Variants in SLC35D2 observed in about 807,000 individuals in gnomAD.
The protein encoded by SLC35D2 is solute carrier family 35 member D2.
In SLC35D2, 43 loss-of-function variants were observed where a neutral mutation model predicts 41.8. The ratio of observed to expected loss-of-function variants is 1.03; its 90% CI spans 0.81 to 1.33. The LOEUF (loss-of-function observed/expected upper bound fraction) is 1.33. SLC35D2 is among the 40% of genes most tolerant of loss of function. The pLI is 0.00. For synonymous variants in SLC35D2, 150 were observed against 163.9 expected (o/e 0.92, Z 0.65); for missense variants, 380 against 408.4 (o/e 0.93, Z 0.60).
chr9:96,343,058 C>T (rs1470270587), intron 8 of SLC35D2, among the ~76,000 whole-genome samples: 3 of 152,198 alleles, frequency 2.0e-5, no homozygotes, highest in Admixed American at 6.5e-5. Context: ...TTTTGCCCAT[C>T]GCATCTCGTT....
chr9:96,379,073 G>A (rs1379923221), intron 1 of SLC35D2, among the ~76,000 whole-genome samples: 2 of 151,862 alleles, frequency 1.3e-5, no homozygotes, highest in Non-Finnish European at 2.9e-5. Context: ...CAAGGCGGAT[G>A]GATTGCTTGA....
intron 9 of SLC35D2, among the ~76,000 whole-genome samples, chr9:96,330,868 C>T (rs1239975007): frequency 1.3e-5 from 2 of 152,182 alleles, no homozygotes; most frequent in Non-Finnish European, 2.9e-5. Context: ...CCAAAATCTT[C>T]ACCCTAAAAC....
intron 5 of SLC35D2, among the ~76,000 whole-genome samples, chr9:96,351,440 G>A (rs938642146): frequency 2.6e-5 from 4 of 151,754 alleles, no homozygotes; most frequent in African/African-American, 7.3e-5. Context: ...AAGCGCTCCT[G>A]CTGGTGGATC....
chr9:96,358,085 T>TATATATATATATATATATATATATAA (rs1830112556), intron 4 of SLC35D2, among the ~76,000 whole-genome samples: 1 of 73,782 alleles, frequency 1.4e-5, no homozygotes, highest in African/African-American at 5.7e-5. Context: ...ATATTTTATA[T>TATATATATATATATATATATATATAA]ATATATATAT....
chr9:96,325,729 GAC>G (rs1828496398), intron 9 of SLC35D2, among the ~76,000 whole-genome samples: 1 of 152,160 alleles, frequency 6.6e-6, no homozygotes, highest in Non-Finnish European at 1.5e-5. Context: ...ATTCACCATT[GAC>G]AGAGAGAAGT....
At chr9:96,351,260 A>T in intron 5 of SLC35D2, 89 bp from the exon 6 acceptor site, 1 of 940,566 alleles carries the variant, frequency 1.1e-6, no homozygotes, top group South Asian at 1.4e-5. Flanking sequence ...TTGAAAATAG[A>T]CATCAGCATT....
At chr9:96,371,408 T>C (rs1256926750) in intron 1 of SLC35D2, among the ~76,000 whole-genome samples, 2 of 135,068 alleles carry the variant, frequency 1.5e-5, no homozygotes, top group South Asian at 2.3e-4. Context: ...GAGGCAGAGG[T>C]TGCAGTGAGC....
intron 9 of SLC35D2, among the ~76,000 whole-genome samples, chr9:96,328,655 A>G (rs1265841675): frequency 1.3e-5 from 2 of 152,084 alleles, no homozygotes; most frequent in Non-Finnish European, 2.9e-5. Context: ...GGCAGTCACA[A>G]ACAGAACTCA....
chr9:96,332,723 G>A (rs1055370442), intron 9 of SLC35D2, among the ~76,000 whole-genome samples: 14 of 151,916 alleles, frequency 9.2e-5, no homozygotes, highest in African/African-American at 3.1e-4. Context: ...AGGTTGCAGT[G>A]AGCCGAGATC....
At chr9:96,379,402 C>T (rs1473735192) in intron 1 of SLC35D2, among the ~76,000 whole-genome samples, 1 of 151,890 alleles carries the variant, frequency 6.6e-6, no homozygotes, top group Non-Finnish European at 1.5e-5. Context: ...CAGTTCACAG[C>T]CTTCAAAGGC....
chr9:96,320,515 CA>C (rs11332811), downstream of SLC35D2, among the ~76,000 whole-genome samples: 23,694 of 124,074 alleles, frequency 0.19, 2,464 homozygotes, highest in African/African-American at 0.31. Context: ...GACTCTGTCT[CA>C]AAAAAAAAAA....
At chr9:96,350,129 T>C (rs1174105194) in intron 6 of SLC35D2, among the ~76,000 whole-genome samples, 1 of 151,946 alleles carries the variant, frequency 6.6e-6, no homozygotes, top group East Asian at 1.9e-4. Flanking sequence ...TAATAAACCT[T>C]AGTCTACACA....
chr9:96,313,727 C>T (rs927357893), exon 12 of SLC35D2, among the ~76,000 whole-genome samples: 6 of 152,260 alleles, frequency 3.9e-5, no homozygotes, highest in African/African-American at 1.4e-4. Context: ...AAATTCTTTA[C>T]TGCACAGGCT....
intron 1 of SLC35D2, among the ~76,000 whole-genome samples, chr9:96,375,120 T>C (rs888619619): frequency 1.6e-4 from 24 of 150,866 alleles, no homozygotes; most frequent in African/African-American, 5.6e-4. Flanking sequence ...GCCTCCCAAG[T>C]AGCTGGGATT....
At chr9:96,382,129 T>C (rs984700891) in intron 1 of SLC35D2, among the ~76,000 whole-genome samples, 1 of 152,118 alleles carries the variant, frequency 6.6e-6, no homozygotes, top group Non-Finnish European at 1.5e-5. Flanking sequence ...TAAATATCTG[T>C]TGGAGGTACA....
At chr9:96,345,444 C>T in intron 6 of SLC35D2, 43 bp from the exon 7 acceptor site, 1 of 1,188,932 alleles carries the variant, frequency 8.4e-7, no homozygotes, top group Non-Finnish European at 1.2e-6. Flanking sequence ...CTCAAAAACT[C>T]ACAACTTGGC....
chr9:96,354,722 G>T (rs369464690), intron 4 of SLC35D2, among the ~76,000 whole-genome samples: 2 of 117,200 alleles, frequency 1.7e-5, no homozygotes, highest in Non-Finnish European at 3.2e-5. Flanking sequence ...AGCCAAGATC[G>T]CACCACTACA....
intron 1 of SLC35D2, among the ~76,000 whole-genome samples, chr9:96,382,496 C>CACACACTCTATATATATATATATA (rs200897475): frequency 1.3e-4 from 17 of 127,938 alleles, no homozygotes; most frequent in African/African-American, 4.4e-4. Context: ...CACACACACA[C>CACACACTCTATATATATATATATA]TATATATATA....
chr9:96,336,490 C>T (rs1038812793), intron 9 of SLC35D2, among the ~76,000 whole-genome samples: 2 of 152,216 alleles, frequency 1.3e-5, no homozygotes. Flanking sequence ...AAGAACAGGA[C>T]ATTAGCATGA....
Sources: gnomAD v4.1 joint callset for allele counts (sites outside exome capture counted in the v4.1 genomes callset) on GRCh38, gnomAD v4.1.1 for gene constraint, MANE v1.5 for transcripts, NCBI Gene and HGNC (gene_info 2026-07-23, HGNC 2026-07-21) for gene names.